The following USP6 variants were observed in gnomAD, a reference collection of about 807,000 sequenced individuals.
USP6 encodes ubiquitin carboxyl-terminal hydrolase 6.
USP6 carries 128 observed loss-of-function variants against 175.7 expected under a neutral mutation model. The observed-to-expected ratio is 0.73, with a 90% CI of 0.63 to 0.84. The LOEUF (loss-of-function observed/expected upper bound fraction) is 0.84, where lower values mean the gene tolerates loss of function less well. Among genes scored for constraint, USP6 ranks in the 40% least tolerant of loss-of-function variants. USP6 has a pLI of 0.00. For synonymous variants in USP6, 562 were observed against 630.6 expected, an observed-to-expected ratio of 0.89 and a Z score of 1.63; for missense variants, 1,498 against 1,760.3, an observed-to-expected ratio of 0.85 and a Z score of 2.67.
chr17:5,132,157 T>C lies in USP6; in HGVS notation c.156-239T>C. On this transcript the variant is annotated intron_variant, in intron 11 of 37. Coordinates refer to ENST00000574788, the MANE Select transcript of USP6 (RefSeq NM_001304284.2). The surrounding 1 kb of genome is among the most constrained non-coding windows in gnomAD (Gnocchi z 4.7). Reference sequence around the variant, plus strand: ...CCCACTGTGGCCTGACCACCCCCCATGCCAGGGGCCCCAGTAACCCCAGCC... The same window carrying C: ...CCCACTGTGGCCTGACCACCCCCCACGCCAGGGGCCCCAGTAACCCCAGCC... The C allele has an allele frequency of 6.8e-7, 1 of 1,465,118 alleles. No homozygotes were observed. Among genetic ancestry groups the C allele is most frequent in the South Asian group, 1.3e-5 (1 of 78,964 alleles). The allele number at this position is 1,465,118 out of a possible 1,614,324, so 90.8% of individuals were successfully genotyped here. A position where few individuals can be genotyped will look rare whatever the true frequency, so the allele number is the denominator to read the frequency against.
rs2073702501 is a variant in USP6, at chr17:5,149,420, A to G, written c.2643+653A>G. Reference sequence around the variant, plus strand: ...TTCATCTCAAAAAAAAACAAAAACAAAAACAAAAACAAAGTATCTCCTAAG... The same window carrying G: ...TTCATCTCAAAAAAAAACAAAAACAGAAACAAAAACAAAGTATCTCCTAAG... On this transcript the variant is annotated intron_variant, in intron 30 of 37. Transcript: ENST00000574788. 2.6e-5 allele frequency among the ~76,000 whole-genome samples: 4 copies of G among 152,122 alleles called. No homozygotes were observed. In the South Asian group the frequency reaches 6.2e-4, roughly 24 times the overall value.
At chr17:5,162,672 G>A (rs1280690052) in intron 32 of USP6, among the ~76,000 whole-genome samples, 2 of 152,102 alleles carry the variant, frequency 1.3e-5, no homozygotes, top group Non-Finnish European at 2.9e-5. Context: ...TAAAAATAAA[G>A]ACTTGAAAAG....
At chr17:5,155,296 A>C in intron 30 of USP6, 126 bp from the exon 31 acceptor site, 3 of 1,152,636 alleles carry the variant, frequency 2.6e-6, no homozygotes, top group Non-Finnish European at 3.7e-6. Flanking sequence ...TTATAAACAT[A>C]GAGAAGAATG....
Position 5,173,602 on chromosome 17 carries a change from G to C in USP6, c.*624G>C, listed in dbSNP as rs1231878831. 1 of 219,912 alleles carries C rather than the reference G, an allele frequency of 4.5e-6. No individual in the cohort carries two copies. 13.6% of individuals were successfully genotyped at this position (219,912 alleles called of 1,614,324 possible). A position where few individuals can be genotyped will look rare whatever the true frequency, so the allele number is the denominator to read the frequency against. On this transcript the variant is annotated 3_prime_UTR_variant, in exon 38 of 38. Transcript: ENST00000574788. ...CAGTCATTGGTGGCAGGGGCATAGA[G>C]TGGTCAGTCTGAAAGGGAGGCTCTC...
At position 5,171,595 on chromosome 17, in the gene USP6, A is replaced by G. The variant is rs144325342; in HGVS notation, c.3963A>G (p.Ser1321=). The change falls in exon 37 of 38, where the codon TCA becomes TCG. Residue 1321 remains serine, a synonymous_variant. Coordinates refer to ENST00000574788, the MANE Select transcript of USP6 (RefSeq NM_001304284.2). ...IYNLYAISCH[S]GILSGGHYIT... is the part of the protein sequence containing the mutation. ...TCTCTTATCTCTTACAGTGCCATTC[A>G]GGAATTCTGAGTGGGGGCCATTACA... The G allele has an allele frequency of 1.0e-3, 1,641 of 1,613,776 alleles. 30 individuals are homozygous for G. The East Asian group carries it at 0.027, about 26-fold the overall frequency.
intron 15 of USP6, chr17:5,134,354 A>T (rs1215231506): frequency 7.2e-6 from 2 of 279,330 alleles, no homozygotes; most frequent in East Asian, 1.6e-4. Flanking sequence ...ACAGCACCAA[A>T]TGCTGGGAGA....
chr17:5,131,802 G>C (rs558382831), intron 11 of USP6, among the ~76,000 whole-genome samples: 33 of 151,704 alleles, frequency 2.2e-4, no homozygotes, highest in African/African-American at 7.5e-4. Context: ...AGGATCCCAG[G>C]GGAGGTAGGG....
intron 33 of USP6, among the ~76,000 whole-genome samples, chr17:5,167,521 C>T (rs1421337414): frequency 3.9e-5 from 6 of 152,040 alleles, no homozygotes; most frequent in Non-Finnish European, 8.8e-5. Flanking sequence ...TTTTCTTTTC[C>T]CTTTTTTTGA....
intron 22 of USP6, among the ~76,000 whole-genome samples, chr17:5,140,794 C>A (rs2073423217): frequency 6.6e-6 from 1 of 152,176 alleles, no homozygotes; most frequent in African/African-American, 2.4e-5. Flanking sequence ...AATGGTAGAG[C>A]TGATTACTCA....
Position 5,144,801 on chromosome 17 carries a change from G to T in USP6, c.1930G>T (p.Glu644Ter). ...GLHEDLNRVH[E>*]KPYVELKDSD... ...TCATGAAGATCTCAACCGAGTCCAT[G>T]AAAAGCCATATGTGGAACTGAAGGA... The change falls in exon 26 of 38, where the codon GAA (glutamate) becomes TAA (stop). Residue 644 changes from glutamate to a stop codon, truncating the protein, a stop_gained. Transcript: ENST00000574788. LOFTEE classifies it high-confidence loss of function. 6.2e-7 allele frequency: 1 copy of T among 1,613,704 alleles called. No homozygotes were observed. The highest frequency in any genetic ancestry group is 1.1e-5 in the South Asian group (1 of 91,028).
chr17:5,158,604 AGG>A (rs2073936779), intron 31 of USP6, among the ~76,000 whole-genome samples: 6 of 122,238 alleles, frequency 4.9e-5, no homozygotes, highest in African/African-American at 2.0e-4. Context: ...AGAGAGAGAG[AGG>A]GAGAGGGGGA....
rs797021700 is a variant in USP6 at position 5,130,083 on chromosome 17, G to A, written c.-8G>A. 1.5e-4 allele frequency: 64 copies of A among 428,242 alleles called. 1 individual carries two copies. Among genetic ancestry groups the A allele is most frequent in the African/African-American group, 8.0e-4 (40 of 49,964 alleles). 26.5% of individuals were successfully genotyped at this position (428,242 alleles called of 1,614,324 possible). ...GCAGGTGGACACCATTCAACCTGCC[G>A]GGGCAGGTGTGTGCCCATTTCATGG... On this transcript the variant is annotated 5_prime_UTR_variant, in exon 9 of 38. Coordinates refer to ENST00000574788, the MANE Select transcript of USP6 (RefSeq NM_001304284.2).
intron 30 of USP6, among the ~76,000 whole-genome samples, chr17:5,154,096 T>C (rs1311541228): frequency 6.6e-6 from 1 of 152,254 alleles, no homozygotes; most frequent in East Asian, 1.9e-4. Flanking sequence ...TGTTTTAAAA[T>C]TTTGTGAAAT....
intron 4 of USP6, among the ~76,000 whole-genome samples, chr17:5,123,919 GCACACA>G (rs150315519): frequency 1.8e-3 from 276 of 150,298 alleles, no homozygotes; most frequent in Non-Finnish European, 2.4e-3. Context: ...ACACACACAC[GCACACA>G]CACACACACA....
rs752574528 is a variant in USP6, at chr17:5,136,665, A to C, written c.690A>C (p.Thr230=). The C allele has an allele frequency of 4.3e-6, 7 of 1,612,014 alleles. No homozygotes were observed. The East Asian group carries it at 1.6e-4, about 36-fold the overall frequency. Reference sequence around the variant, plus strand: ...GATTCCACAGCCCAAATGGTGGGACAGTCCAGGGGCTCCAAGACCAACAGG... The same window carrying C: ...GATTCCACAGCCCAAATGGTGGGACCGTCCAGGGGCTCCAAGACCAACAGG... ...LPGFHSPNGG[T]VQGLQDQQEH... is the part of the protein sequence containing the mutation. Residue 230 remains threonine (T), a synonymous_variant, in exon 18 of 38, where the codon ACA becomes ACC. Transcript: ENST00000574788.
chr17:5,140,566 A>G (rs968997887), intron 22 of USP6, among the ~76,000 whole-genome samples: 1 of 152,182 alleles, frequency 6.6e-6, no homozygotes, highest in Non-Finnish European at 1.5e-5. Flanking sequence ...GAGTGAGACA[A>G]TATCTCTTAA....
intron 26 of USP6, 136 bp from the exon 27 acceptor site, chr17:5,145,269 A>G (rs2073573928): frequency 4.4e-6 from 5 of 1,146,014 alleles, no homozygotes; most frequent in African/African-American, 1.6e-5. Flanking sequence ...TCAATTTAAT[A>G]TTTTATGTTA....
At position 5,172,664 on chromosome 17, in the gene USP6, A is replaced by G. The variant is rs2074252422; in HGVS notation, c.4048-141A>G. On this transcript the variant is annotated intron_variant, in intron 37 of 37. Coordinates refer to ENST00000574788, the MANE Select transcript of USP6 (RefSeq NM_001304284.2). ...ATAATGGGGCTCATTTTAAAGGGGC[A>G]GGTGTGAGACAGCCAAACTAGTGAG... The G allele has an allele frequency of 9.2e-6, 10 of 1,091,702 alleles. No individual in the cohort carries two copies. In the East Asian group the frequency reaches 2.2e-4, roughly 24 times the overall value. 67.6% of individuals were successfully genotyped at this position (1,091,702 alleles called of 1,614,324 possible).
At chr17:5,158,727 G>A (rs1330785515) in intron 31 of USP6, among the ~76,000 whole-genome samples, 3 of 148,048 alleles carry the variant, frequency 2.0e-5, no homozygotes, top group Non-Finnish European at 4.5e-5. Context: ...AGTGAAGGAA[G>A]TACTTCAAGA....
Sources: gnomAD v4.1 joint callset for allele counts (sites outside exome capture counted in the v4.1 genomes callset) on GRCh38, gnomAD v4.1.1 for gene constraint, Gnocchi (gnomAD v3.1) non-coding constraint, MANE v1.5 for transcripts, NCBI Gene and HGNC (gene_info 2026-07-23, HGNC 2026-07-21) for gene names.